NRXN2: variants seen among roughly 807,000 people sequenced by gnomAD.
NRXN2 encodes neurexin-2-beta.
A neutral mutation model predicts 128.8 loss-of-function variants in NRXN2; 29 were observed. The observed-to-expected ratio is 0.23, with a 90% CI of 0.17 to 0.31. NRXN2 has a LOEUF of 0.31. Among genes scored for constraint, NRXN2 ranks in the 10% least tolerant of loss-of-function variants. The pLI, the probability that NRXN2 is intolerant of heterozygous loss-of-function variation, is 1.00. For synonymous variants in NRXN2, 1,098 were observed against 1,075.2 expected (o/e 1.02, Z -0.41); for missense variants, 1,881 against 2,452.6 (o/e 0.77, Z 4.92).
rs778338151 is a variant in NRXN2, at chr11:64,651,447, C to A, written c.2726G>T (p.Arg909Leu). Residue 909 changes from arginine (R) to leucine (L), a missense_variant, in exon 14 of 23, where the codon CGC becomes CTC. Physicochemically the swap from Arg to Leu is moderately radical, Grantham distance 102. Around this residue, in one of 7 missense-constraint regions of NRXN2, gnomAD observed 390 missense variants for 599.6 expected, o/e 0.65. Coordinates refer to ENST00000265459, the MANE Select transcript of NRXN2 (RefSeq NM_015080.4). The surrounding 1 kb of genome is among the most constrained non-coding windows in gnomAD (Gnocchi z 5.9). ...GDITYCELNA[R>L]FGLRAIVADP... is the part of the protein sequence containing the mutation. ...GGCCACGATGGCACGCAGGCCAAAGCGAGCATTGAGCTCACAGTAGGTGAT... is the reference window on the plus strand; with the variant it reads ...GGCCACGATGGCACGCAGGCCAAAGAGAGCATTGAGCTCACAGTAGGTGAT... 62 of 1,614,068 alleles carry A rather than the reference C, an allele frequency of 3.8e-5. 1 individual carries two copies. The highest frequency in any genetic ancestry group is 5.1e-5 in the Non-Finnish European group (60 of 1,180,026).
intron 22 of NRXN2, among the ~76,000 whole-genome samples, chr11:64,613,276 T>A (rs147573554): frequency 1.3e-5 from 2 of 152,246 alleles, no homozygotes; most frequent in Admixed American, 1.3e-4. Flanking sequence ...GGCTCTGGCA[T>A]GTGCCTGCCG....
rs180847548 is a variant in NRXN2, at chr11:64,651,778, G to C, written c.2537-142C>G. On this transcript the variant is annotated intron_variant, in intron 13 of 22. Transcript: ENST00000265459. The surrounding 1 kb of genome is among the most constrained non-coding windows in gnomAD (Gnocchi z 5.9). ...GTCCTCGGCTAGGCACTAGCAGCCAGCACAGCTCCAAGAGGAGTGGCAGGA... is the reference window on the plus strand; with the variant it reads ...GTCCTCGGCTAGGCACTAGCAGCCACCACAGCTCCAAGAGGAGTGGCAGGA... The C allele has an allele frequency of 4.2e-3, 4,366 of 1,037,256 alleles. 17 individuals are homozygous for C. Among genetic ancestry groups the C allele is most frequent in the Non-Finnish European group, 5.4e-3 (3,777 of 702,360 alleles). 64.3% of individuals were successfully genotyped at this position (1,037,256 alleles called of 1,614,324 possible).
chr11:64,637,117 T>G (rs2044847414), intron 17 of NRXN2, among the ~76,000 whole-genome samples: 1 of 151,516 alleles, frequency 6.6e-6, no homozygotes, highest in Non-Finnish European at 1.5e-5. Flanking sequence ...ATCAACACCT[T>G]CCATCCCCCC....
chr11:64,704,246 C>A (rs1018823300), intron 2 of NRXN2, among the ~76,000 whole-genome samples: 1 of 152,126 alleles, frequency 6.6e-6, no homozygotes, highest in Non-Finnish European at 1.5e-5. Flanking sequence ...GATGGTATGT[C>A]TTGCCTAACA....
chr11:64,718,519 A>C (rs1199701580), intron 1 of NRXN2, among the ~76,000 whole-genome samples: 2 of 152,210 alleles, frequency 1.3e-5, no homozygotes, highest in Non-Finnish European at 2.9e-5. Context: ...ATTCTGGCTC[A>C]GGCTAAAGAG....
intron 6 of NRXN2, among the ~76,000 whole-genome samples, chr11:64,678,422 T>C (rs1274667554): frequency 1.3e-5 from 2 of 152,106 alleles, no homozygotes; most frequent in Non-Finnish European, 2.9e-5. Context: ...GTCTCTAGAA[T>C]TGGTAAGGCC....
intron 21 of NRXN2, among the ~76,000 whole-genome samples, chr11:64,621,983 T>A (rs1004521072): frequency 2.6e-5 from 4 of 151,946 alleles, no homozygotes; most frequent in Non-Finnish European, 4.4e-5. Flanking sequence ...TCCATGTGCT[T>A]CAAGGCCCCT....
At chr11:64,682,503 T>G (rs2135556220) in intron 6 of NRXN2, among the ~76,000 whole-genome samples, 1 of 151,814 alleles carries the variant, frequency 6.6e-6, no homozygotes, top group African/African-American at 2.4e-5. Flanking sequence ...GACCGCATCT[T>G]TGAGGGACTC....
chr11:64,663,990 G>A (rs528964399), intron 9 of NRXN2, among the ~76,000 whole-genome samples: 3 of 152,322 alleles, frequency 2.0e-5, no homozygotes, highest in South Asian at 2.1e-4. Context: ...ACCGAGAGTA[G>A]CCAGATTCTT....
intron 17 of NRXN2, among the ~76,000 whole-genome samples, chr11:64,644,734 G>C (rs71579875): frequency 6.6e-6 from 1 of 152,010 alleles, no homozygotes; most frequent in Non-Finnish European, 1.5e-5. Context: ...ACAGTGCAGC[G>C]GAGTGAGGAG....
At chr11:64,652,700 T>C (rs909246866) in intron 12 of NRXN2, among the ~76,000 whole-genome samples, 8 of 152,176 alleles carry the variant, frequency 5.3e-5, no homozygotes, top group Non-Finnish European at 1.2e-4. Context: ...TGGGACCCGA[T>C]GGGACCTTTC....
chr11:64,688,586 T>A lies in NRXN2; in HGVS notation c.850+1819A>T, dbSNP rs561303916. 555 of 985,350 alleles carry A rather than the reference T, an allele frequency of 5.6e-4. No homozygotes were observed. The African/African-American group carries it at 8.9e-3, about 16-fold the overall frequency. The allele number at this position is 985,350 out of a possible 1,614,324, so 61.0% of individuals were successfully genotyped here. A position where few individuals can be genotyped will look rare whatever the true frequency, so the allele number is the denominator to read the frequency against. On this transcript the variant is annotated intron_variant, in intron 5 of 22. Transcript: ENST00000265459. ...TGAAGCACCAGGGGGCGCTCTCCCCTATCTCGCCGGTCTGGCGCGACTGGG... is the reference window on the plus strand; with the variant it reads ...TGAAGCACCAGGGGGCGCTCTCCCCAATCTCGCCGGTCTGGCGCGACTGGG...
intron 1 of NRXN2, among the ~76,000 whole-genome samples, chr11:64,722,488 C>G (rs1451186919): frequency 6.6e-6 from 1 of 151,948 alleles, no homozygotes; most frequent in Non-Finnish European, 1.5e-5. Flanking sequence ...CAGGACGAAG[C>G]CCTTGGCCTG....
chr11:64,619,280 C>T (rs2041974026), intron 22 of NRXN2, among the ~76,000 whole-genome samples: 1 of 152,138 alleles, frequency 6.6e-6, no homozygotes, highest in Admixed American at 6.5e-5. Flanking sequence ...ACTCATCTGG[C>T]AGCCACCGAG....
chr11:64,700,656 A>G (rs2055208441), intron 2 of NRXN2, among the ~76,000 whole-genome samples: 1 of 152,194 alleles, frequency 6.6e-6, no homozygotes, highest in South Asian at 2.1e-4. Context: ...GGTTTCCTGC[A>G]ATAGCTTCCT....
chr11:64,620,428 C>T, intron 21 of NRXN2, 56 bp from the exon 22 acceptor site: 2 of 1,355,580 alleles, frequency 1.5e-6, no homozygotes, highest in Non-Finnish European at 2.1e-6. Context: ...TCAGCAGATC[C>T]CACAGCTGCC....
intron 15 of NRXN2, 106 bp downstream of exon 15, chr11:64,650,340 CTG>C: frequency 8.8e-7 from 1 of 1,138,500 alleles, no homozygotes; most frequent in Non-Finnish European, 1.3e-6. Context: ...GAGGTGGAAA[CTG>C]GGGGCAGGGA....
At chr11:64,608,494 C>CTTTTTTTTTT (rs58638827) in intron 22 of NRXN2, among the ~76,000 whole-genome samples, 19 of 111,164 alleles carry the variant, frequency 1.7e-4, no homozygotes, top group East Asian at 2.5e-4. Flanking sequence ...TCTTTTTTTG[C>CTTTTTTTTTT]TTTTTTTTTT....
In NRXN2 at chr11:64,714,445, G is replaced by A. The variant is rs1007350284; in HGVS notation, c.-244-502C>T. Among the ~76,000 whole-genome samples, 3 of 152,058 alleles carry A rather than the reference G, an allele frequency of 2.0e-5. No individual in the cohort carries two copies. The highest frequency in any genetic ancestry group is 1.5e-5 in the Non-Finnish European group (1 of 68,024). ...ATTGGGATTAATTAAATGCCAATTC[G>A]TCGATGGTATCACAGGGTAACCAGA... On this transcript the variant is annotated intron_variant, in intron 1 of 22. Coordinates refer to ENST00000265459, the MANE Select transcript of NRXN2 (RefSeq NM_015080.4). This position sits in a 1 kb window ranked among gnomAD's most constrained non-coding sequence, Gnocchi z 4.5.
Sources: allele counts gnomAD v4.1 joint callset (sites outside exome capture counted in the v4.1 genomes callset), GRCh38; gene constraint gnomAD v4.1.1; regional missense constraint gnomAD v4.1.1; non-coding constraint Gnocchi (gnomAD v3.1); transcripts MANE v1.5; gene names NCBI Gene and HGNC (gene_info 2026-07-23, HGNC 2026-07-21).